The following TACR3 variants were observed in gnomAD, a reference collection of about 807,000 sequenced individuals.
TACR3 encodes the protein tachykinin receptor 3.
A neutral mutation model predicts 35.0 loss-of-function variants in TACR3; 34 were observed. The observed-to-expected ratio is 0.97, with a 90% confidence interval of 0.74 to 1.30. TACR3 has a LOEUF of 1.30. Ranked by LOEUF, TACR3 falls within the 50% of genes most tolerant of loss-of-function variation. The pLI, the probability that TACR3 is intolerant of heterozygous loss-of-function variation, is 0.00. For missense variants in TACR3, 558 were observed against 591.7 expected (o/e 0.94, Z 0.59); for synonymous variants, 233 against 221.1 (o/e 1.05, Z -0.48).
At chr4:103,624,531 G>C (rs571437007) in intron 3 of TACR3, 1 of 152,100 alleles carries the variant, frequency 6.6e-6, no homozygotes, top group South Asian at 2.1e-4. Context: ...AATATGCTGA[G>C]TAAAGTATAT....
chr4:103,657,601 G>A (rs1388843615), intron 2 of TACR3, among the ~76,000 whole-genome samples: 1 of 151,888 alleles, frequency 6.6e-6, no homozygotes, highest in Non-Finnish European at 1.5e-5. Context: ...TAAAATTTAA[G>A]ATTATAATTT....
chr4:103,699,366 T>C (rs1187840803), intron 1 of TACR3, among the ~76,000 whole-genome samples: 1 of 151,972 alleles, frequency 6.6e-6, no homozygotes, highest in South Asian at 2.1e-4. Flanking sequence ...AGTGGGGAAG[T>C]GGTAGTAATA....
In TACR3 at chr4:103,640,773, T is replaced by G. The variant is rs59584361; in HGVS notation, c.888+15421A>C. On this transcript the variant is annotated intron_variant, in intron 3 of 4. Transcript: ENST00000304883. ...ATTTTTTTTCTTTTAGCTCATCAGC[T>G]ATCATTAGTGTTAGTATATTTTATG... Among the ~76,000 whole-genome samples the G allele has an allele frequency of 8.9e-3, 1,354 of 152,004 alleles. 21 individuals carry two copies. The highest frequency in any genetic ancestry group is 0.03 in the African/African-American group (1,246 of 41,468).
rs1262399399 is a variant in TACR3, at chr4:103,719,415, G to C, written c.261C>G (p.Leu87=). ...QFVQPSWRIA[L]WSLAYGVVVA... ...CCACCACACCATACGCCAGGGACCA[G>C]AGCGCGATGCGCCAGGACGGCTGCA... The change falls in exon 1 of 5, where the codon CTC becomes CTG. Residue 87 remains leucine, a synonymous_variant. Coordinates refer to ENST00000304883, the MANE Select transcript of TACR3 (RefSeq NM_001059.3). 2 of 1,614,126 alleles carry C rather than the reference G, an allele frequency of 1.2e-6. No homozygotes were observed. The highest frequency in any genetic ancestry group is 1.7e-6 in the Non-Finnish European group (2 of 1,180,044).
intron 1 of TACR3, among the ~76,000 whole-genome samples, chr4:103,689,424 T>C (rs1195255199): frequency 2.0e-5 from 3 of 151,938 alleles, no homozygotes; most frequent in East Asian, 3.9e-4. Context: ...AAAAGCTTTT[T>C]AAAAATTAAT....
In TACR3 at chr4:103,590,097, T is replaced by C. The variant is rs1723862253; in HGVS notation, c.1086-103A>G. 9 of 1,447,884 alleles carry C rather than the reference T, an allele frequency of 6.2e-6. No homozygotes were observed. In the South Asian group the frequency reaches 1.1e-4, roughly 18 times the overall value. The allele number at this position is 1,447,884 out of a possible 1,614,324, so 89.7% of individuals were successfully genotyped here. On this transcript the variant is annotated intron_variant, in intron 4 of 4. Coordinates refer to ENST00000304883, the MANE Select transcript of TACR3 (RefSeq NM_001059.3). ...ACCTAAGGCAGTTATAACAACTCAG[T>C]TTTTGAGTTTGGTTTTTAGCCAGAC...
chr4:103,660,116 G>T (rs1183439671), intron 1 of TACR3, among the ~76,000 whole-genome samples: 1 of 152,002 alleles, frequency 6.6e-6, no homozygotes, highest in East Asian at 1.9e-4. Context: ...AATCTTTGTT[G>T]TTGTAACTAC....
chr4:103,593,544 T>A (rs2073192179), intron 3 of TACR3: 1 of 152,204 alleles, frequency 6.6e-6, no homozygotes, highest in South Asian at 2.1e-4. Context: ...GCTCAGAGGA[T>A]ATTAGACTAA....
At chr4:103,687,025 G>T (rs1192510334) in intron 1 of TACR3, among the ~76,000 whole-genome samples, 1 of 152,044 alleles carries the variant, frequency 6.6e-6, no homozygotes, top group African/African-American at 2.4e-5. Context: ...GAATCCAGCA[G>T]CACATCAAAA....
At chr4:103,631,383 G>A (rs915524056) in intron 3 of TACR3, among the ~76,000 whole-genome samples, 20 of 151,718 alleles carry the variant, frequency 1.3e-4, no homozygotes, top group African/African-American at 4.6e-4. Context: ...AGAATTTTTG[G>A]TTTACTGCAT....
chr4:103,709,628 A>T (rs1722891117), intron 1 of TACR3, among the ~76,000 whole-genome samples: 1 of 152,208 alleles, frequency 6.6e-6, no homozygotes, highest in Non-Finnish European at 1.5e-5. Context: ...CTAACATCAT[A>T]ATGACAGGAT....
intron 1 of TACR3, among the ~76,000 whole-genome samples, chr4:103,715,916 C>A (rs1723079890): frequency 6.6e-6 from 1 of 151,882 alleles, no homozygotes; most frequent in East Asian, 1.9e-4. Context: ...GTTATATATA[C>A]ATGTAAGATA....
intron 1 of TACR3, among the ~76,000 whole-genome samples, chr4:103,681,765 A>G (rs1722095613): frequency 6.6e-6 from 1 of 152,166 alleles, no homozygotes; most frequent in African/African-American, 2.4e-5. Flanking sequence ...AACTGCATCT[A>G]ACTGACATTT....
chr4:103,614,286 G>T (rs1366110577), intron 3 of TACR3, among the ~76,000 whole-genome samples: 1 of 152,012 alleles, frequency 6.6e-6, no homozygotes, highest in African/African-American at 2.4e-5. Context: ...TAATAGGAAA[G>T]CTATTCAAGG....
intron 3 of TACR3, among the ~76,000 whole-genome samples, chr4:103,598,701 T>G (rs1724106225): frequency 6.6e-6 from 1 of 152,222 alleles, no homozygotes; most frequent in East Asian, 1.9e-4. Context: ...CACCATTGAT[T>G]AAATAGGGAA....
intron 1 of TACR3, among the ~76,000 whole-genome samples, chr4:103,711,505 G>C (rs140542377): frequency 0.014 from 2,186 of 152,224 alleles, 28 homozygotes; most frequent in Non-Finnish European, 0.022. Flanking sequence ...AAAATAATAA[G>C]AGGTATTTAT....
At position 103,596,711 on chromosome 4, in the gene TACR3, G is replaced by A. The variant is rs906732477; in HGVS notation, c.889-5028C>T. On this transcript the variant is annotated intron_variant, in intron 3 of 4. Transcript: ENST00000304883. ...GTTGGTCTGCTGCACCCATTAACTC[G>A]TCATTTACATTAGGTATATCTCCTA... is the stretch of plus-strand genomic sequence containing the variant. Among the ~76,000 whole-genome samples the A allele has an allele frequency of 1.8e-4, 28 of 151,958 alleles. 1 individual carries two copies. Among genetic ancestry groups the A allele is most frequent in the Admixed American group, 1.7e-3 (26 of 15,232 alleles).
intron 3 of TACR3, among the ~76,000 whole-genome samples, chr4:103,634,438 T>C (rs865949420): frequency 1.3e-5 from 2 of 151,964 alleles, no homozygotes; most frequent in African/African-American, 4.8e-5. Context: ...ACCCAGTAGG[T>C]GGTGCAGCTA....
chr4:103,719,460 G>A lies in TACR3; in HGVS notation c.216C>T (p.Ala72=). The A allele has an allele frequency of 6.2e-7, 1 of 1,614,002 alleles. No individual in the cohort carries two copies. The highest frequency in any genetic ancestry group is 8.5e-7 in the Non-Finnish European group (1 of 1,179,832). Residue 72 remains alanine (A), a synonymous_variant, in exon 1 of 5, where the codon GCC becomes GCT. Transcript: ENST00000304883. Reference sequence around the variant, plus strand: ...GCTGCACGAACTGGTTGGTGAGGTTGGCCCAGGGCTGGGAGGGCGCGGGGG... The same window carrying A: ...GCTGCACGAACTGGTTGGTGAGGTTAGCCCAGGGCTGGGAGGGCGCGGGGG... ...VASPAPSQPW[A]NLTNQFVQPS...
Sources: allele counts gnomAD v4.1 joint callset (sites outside exome capture counted in the v4.1 genomes callset), GRCh38; gene constraint gnomAD v4.1.1; transcripts MANE v1.5; gene names NCBI Gene and HGNC (gene_info 2026-07-23, HGNC 2026-07-21).